SDK2: variants seen among roughly 807,000 people sequenced by gnomAD.
SDK2 encodes sidekick cell adhesion molecule 2, also known as protein sidekick-2.
A neutral mutation model predicts 253.9 loss-of-function variants in SDK2; 105 were observed. The ratio of observed to expected loss-of-function variants is 0.41; its 90% confidence interval spans 0.35 to 0.49. The LOEUF is 0.49. Among genes scored for constraint, SDK2 ranks in the 20% least tolerant of loss-of-function variants. The pLI, the probability that SDK2 is intolerant of heterozygous loss-of-function variation, is 0.06. For missense variants in SDK2, 2,608 were observed against 3,003.0 expected (o/e 0.87, Z 3.07); for synonymous variants, 1,249 against 1,234.9 (o/e 1.01, Z -0.24).
intron 1 of SDK2, among the ~76,000 whole-genome samples, chr17:73,557,752 G>A (rs2045166837): frequency 6.6e-6 from 1 of 151,928 alleles, no homozygotes. Context: ...TTCAATAGAG[G>A]GTAGAGAGAA....
chr17:73,368,164 G>A (rs2062701473), intron 37 of SDK2, among the ~76,000 whole-genome samples: 1 of 152,152 alleles, frequency 6.6e-6, no homozygotes, highest in Non-Finnish European at 1.5e-5. Context: ...CGGGGCAAAC[G>A]GTGGGGAGGA....
rs539317798 is a variant in SDK2, at chr17:73,628,691, G to C, written c.64+15334C>G. On this transcript the variant is annotated intron_variant, in intron 1 of 44. Transcript: ENST00000392650. ...GGTCAGGAGAGCCAGGGAAGTGGCC[G>C]TCTGTGCTGCTCATGGGGTAGCCCA... is the stretch of plus-strand genomic sequence containing the variant. Among the ~76,000 whole-genome samples, 36 of 152,340 alleles carry C rather than the reference G, an allele frequency of 2.4e-4. No homozygotes were observed. In the South Asian group the frequency reaches 4.8e-3, roughly 20 times the overall value.
chr17:73,489,497 G>A lies in SDK2; in HGVS notation c.225-17279C>T, dbSNP rs554021466. 7.8e-4 allele frequency among the ~76,000 whole-genome samples: 119 copies of A among 152,340 alleles called. 1 individual carries two copies. The highest frequency in any genetic ancestry group is 2.5e-3 in the African/African-American group (106 of 41,574). On this transcript the variant is annotated intron_variant, in intron 2 of 44. Transcript: ENST00000392650. ...GTTGTGATGGCATGAACCCTGCCAA[G>A]CACCGCCCAGATGGCCGGAGCTTCC...
chr17:73,539,815 A>AG (rs2044836275), intron 1 of SDK2, among the ~76,000 whole-genome samples: 11 of 86,688 alleles, frequency 1.3e-4, no homozygotes, highest in African/African-American at 6.8e-4. Flanking sequence ...GCAGAGACAC[A>AG]CGGGGGGAAT....
intron 2 of SDK2, among the ~76,000 whole-genome samples, chr17:73,488,592 CTT>C (rs35545969): frequency 3.0e-4 from 43 of 143,476 alleles, no homozygotes; most frequent in Admixed American, 3.5e-4. Context: ...GGTGTTGCAA[CTT>C]TTTTTTTTTT....
intron 1 of SDK2, among the ~76,000 whole-genome samples, chr17:73,537,543 TGGA>T (rs1258128483): frequency 6.6e-6 from 1 of 151,308 alleles, no homozygotes; most frequent in Non-Finnish European, 1.5e-5. Context: ...GTGGAAGGGA[TGGA>T]GAAGTGGGTT....
chr17:73,604,220 G>T (rs1003267128), intron 1 of SDK2, among the ~76,000 whole-genome samples: 3 of 152,222 alleles, frequency 2.0e-5, no homozygotes, highest in African/African-American at 7.2e-5. Context: ...GCCCCATTCA[G>T]CCTGTCCAGA....
At position 73,639,295 on chromosome 17, in the gene SDK2, G is replaced by A. The variant is rs12604059; in HGVS notation, c.64+4730C>T. On this transcript the variant is annotated intron_variant, in intron 1 of 44. Coordinates refer to ENST00000392650, the MANE Select transcript of SDK2 (RefSeq NM_001144952.2). The surrounding 1 kb of genome is among the most constrained non-coding windows in gnomAD (Gnocchi z 4.3). ...CTCAGCAAGAGGCTTTTTGGTCCAG[G>A]CACCAGGCCCAGGGAGTCTGAGGGG... Among the ~76,000 whole-genome samples, 50,555 of 151,878 alleles carry A rather than the reference G, an allele frequency of 0.33. 8,455 individuals carry two copies. Among genetic ancestry groups the A allele is most frequent in the South Asian group, 0.37 (1,807 of 4,822 alleles).
Position 73,431,647 on chromosome 17 carries a change from G to A in SDK2, c.1335C>T (p.Gly445=). The change falls in exon 11 of 45, where the codon GGC becomes GGT. Residue 445 remains glycine (G), a synonymous_variant. Coordinates refer to ENST00000392650, the MANE Select transcript of SDK2 (RefSeq NM_001144952.2). The surrounding 1 kb of genome is among the most constrained non-coding windows in gnomAD (Gnocchi z 5.6). ...WQKGERILAS[G]SVQLPRFTPL... The stretch of plus-strand genomic sequence containing the variant: ...GTGTGAAGCGAGGCAGCTGCACAGA[G>A]CCACTGGCCAAGATGCGCTCCCCTG... 6 of 1,611,248 alleles carry A rather than the reference G, an allele frequency of 3.7e-6. No individual in the cohort carries two copies. Among genetic ancestry groups the A allele is most frequent in the Non-Finnish European group, 5.1e-6 (6 of 1,178,718 alleles).
At chr17:73,346,752 T>C (rs2062488120) in intron 44 of SDK2, among the ~76,000 whole-genome samples, 1 of 152,044 alleles carries the variant, frequency 6.6e-6, no homozygotes, top group Non-Finnish European at 1.5e-5. Context: ...GGGTGGTCTG[T>C]CTCAGAATAT....
intron 2 of SDK2, among the ~76,000 whole-genome samples, chr17:73,479,200 G>A (rs1490072633): frequency 6.6e-6 from 1 of 152,240 alleles, no homozygotes; most frequent in Non-Finnish European, 1.5e-5. Flanking sequence ...TGCAGGTGTC[G>A]CCCCAGATGT....
intron 1 of SDK2, among the ~76,000 whole-genome samples, chr17:73,549,765 A>G (rs897949688): frequency 1.3e-5 from 2 of 152,122 alleles, no homozygotes; most frequent in Non-Finnish European, 2.9e-5. Context: ...GGCAGAGACA[A>G]GGAGAGGGGT....
At chr17:73,384,977 A>C (rs2062860493) in intron 32 of SDK2, among the ~76,000 whole-genome samples, 1 of 152,094 alleles carries the variant, frequency 6.6e-6, no homozygotes, top group African/African-American at 2.4e-5. Context: ...GCACTAAGTC[A>C]TGTTTATCTA....
chr17:73,533,111 C>G (rs1303039547), intron 1 of SDK2, among the ~76,000 whole-genome samples: 1 of 152,220 alleles, frequency 6.6e-6, no homozygotes, highest in Non-Finnish European at 1.5e-5. Context: ...CCCTCATGCC[C>G]CTACGGGACG....
chr17:73,606,544 C>T (rs1000515894), intron 1 of SDK2, among the ~76,000 whole-genome samples: 10 of 152,134 alleles, frequency 6.6e-5, no homozygotes, highest in Admixed American at 1.3e-4. Context: ...ACGACAGCCA[C>T]GAAGGCGGGT....
intron 1 of SDK2, among the ~76,000 whole-genome samples, chr17:73,596,430 C>T (rs2045759357): frequency 6.6e-6 from 1 of 152,168 alleles, no homozygotes; most frequent in Admixed American, 6.5e-5. Flanking sequence ...TCAGTTTCCT[C>T]ATCTGCATAA....
chr17:73,354,753 C>A (rs1346992270), intron 40 of SDK2, among the ~76,000 whole-genome samples: 1 of 11,918 alleles, frequency 8.4e-5, no homozygotes. Flanking sequence ...CCCAACCAAG[C>A]ACCTCCAGTC....
rs1472467901 is a variant in SDK2, at chr17:73,609,583, G to A, written c.64+34442C>T. Among the ~76,000 whole-genome samples the A allele has an allele frequency of 6.6e-6, 1 of 152,208 alleles. No individual in the cohort carries two copies. Among genetic ancestry groups the A allele is most frequent in the South Asian group, 2.1e-4 (1 of 4,824 alleles). On this transcript the variant is annotated intron_variant, in intron 1 of 44. Coordinates refer to ENST00000392650, the MANE Select transcript of SDK2 (RefSeq NM_001144952.2). This position sits in a 1 kb window ranked among gnomAD's most constrained non-coding sequence, Gnocchi z 4.4. ...CAAAGACATGCAGTGGAAGCTGACA[G>A]GGAAAACGGCTCAAGAGAAGGTTTG... is the stretch of plus-strand genomic sequence containing the variant.
intron 39 of SDK2, among the ~76,000 whole-genome samples, chr17:73,360,267 T>A (rs1274220098): frequency 1.3e-5 from 2 of 152,228 alleles, no homozygotes; most frequent in African/African-American, 4.8e-5. Flanking sequence ...GCCCTAGAGC[T>A]ACAGGGCTTC....
Sources: gnomAD v4.1 joint callset for allele counts (sites outside exome capture counted in the v4.1 genomes callset) on GRCh38, gnomAD v4.1.1 for gene constraint, Gnocchi (gnomAD v3.1) non-coding constraint, MANE v1.5 for transcripts, NCBI Gene and HGNC (gene_info 2026-07-23, HGNC 2026-07-21) for gene names.